NCAM2: variants seen among roughly 807,000 people sequenced by gnomAD.
NCAM2 encodes N-CAM-2.
A neutral mutation model predicts 98.1 loss-of-function variants in NCAM2; 30 were observed. The ratio of observed to expected loss-of-function variants is 0.31; its 90% CI spans 0.23 to 0.41. The LOEUF is 0.41. Ranked by LOEUF, NCAM2 falls within the 10% of genes least tolerant of loss-of-function variation. The probability of loss-of-function intolerance (pLI) is 1.00; values close to 1 mark genes in which losing one functional copy is unlikely to be tolerated. For synonymous variants in NCAM2, 368 were observed against 342.4 expected (o/e 1.07, Z -0.83); for missense variants, 867 against 1,005.8 (o/e 0.86, Z 1.87).
At chr21:21,009,883 C>CTCTGTGTGTGTGTGTGTG (rs371370125) in intron 1 of NCAM2, among the ~76,000 whole-genome samples, 3 of 139,670 alleles carry the variant, frequency 2.1e-5, no homozygotes, top group South Asian at 2.4e-4. Flanking sequence ...CCTCTGATAG[C>CTCTGTGTGTGTGTGTGTG]TGTGTGTGTG....
chr21:21,001,795 G>A (rs982987225), intron 1 of NCAM2, among the ~76,000 whole-genome samples: 1 of 152,166 alleles, frequency 6.6e-6, no homozygotes, highest in South Asian at 2.1e-4. Context: ...AGCCAAAATC[G>A]TGAGGAAAGG....
intron 8 of NCAM2, among the ~76,000 whole-genome samples, chr21:21,350,868 A>C (rs1382587642): frequency 6.6e-6 from 1 of 151,280 alleles, no homozygotes; most frequent in Non-Finnish European, 1.5e-5. Context: ...CAGGTGGATC[A>C]CGAGGTCAGG....
chr21:21,047,993 A>T lies in NCAM2; in HGVS notation c.55+49375A>T, dbSNP rs566623752. Among the ~76,000 whole-genome samples, 18 of 152,318 alleles carry T rather than the reference A, an allele frequency of 1.2e-4. 1 individual carries two copies. The highest frequency in any genetic ancestry group is 3.8e-4 in the African/African-American group (16 of 41,578). ...CCAAAATATATTTCCTTGGCATACA[A>T]TGAAATTGTCCTGCAATGTCTCTTG... On this transcript the variant is annotated intron_variant, in intron 1 of 17. Coordinates refer to ENST00000400546, the MANE Select transcript of NCAM2 (RefSeq NM_004540.5).
intron 1 of NCAM2, among the ~76,000 whole-genome samples, chr21:21,199,578 T>C (rs1028524223): frequency 6.6e-6 from 1 of 152,166 alleles, no homozygotes; most frequent in Admixed American, 6.5e-5. Context: ...TGACTAACCT[T>C]GAGAGTAGTG....
chr21:21,431,757 C>T (rs377644109), intron 11 of NCAM2, among the ~76,000 whole-genome samples: 1 of 151,984 alleles, frequency 6.6e-6, no homozygotes, highest in African/African-American at 2.4e-5. Flanking sequence ...TAACTACCCT[C>T]TTTATCTCTC....
At chr21:21,255,042 C>A (rs1331301825) in intron 1 of NCAM2, among the ~76,000 whole-genome samples, 1 of 151,378 alleles carries the variant, frequency 6.6e-6, no homozygotes, top group Non-Finnish European at 1.5e-5. Flanking sequence ...GATTTGGGTG[C>A]CAAATGATAT....
At chr21:21,472,097 CAT>C (rs1048983791) in intron 14 of NCAM2, among the ~76,000 whole-genome samples, 1 of 151,938 alleles carries the variant, frequency 6.6e-6, no homozygotes, top group Non-Finnish European at 1.5e-5. Context: ...TAGATTTTTA[CAT>C]GTTTCCATGA....
chr21:21,480,978 A>C (rs983567417), intron 15 of NCAM2, among the ~76,000 whole-genome samples: 1 of 152,234 alleles, frequency 6.6e-6, no homozygotes, highest in African/African-American at 2.4e-5. Flanking sequence ...TGAAATATCA[A>C]ATCGTTGGTT....
rs769240092 is a variant in NCAM2, at chr21:21,410,502, AC to A, written c.1383+42del. The A allele has an allele frequency of 1.4e-3, 1,595 of 1,116,862 alleles. 20 individuals are homozygous for A. The African/African-American group carries it at 0.023, about 16-fold the overall frequency. 69.2% of individuals were successfully genotyped at this position (1,116,862 alleles called of 1,614,324 possible). On this transcript the variant is annotated intron_variant, in intron 10 of 17. Coordinates refer to ENST00000400546, the MANE Select transcript of NCAM2 (RefSeq NM_004540.5). ...TACATCAATAAATTGTATTATTTTA[AC>A]AACTATCTACTATTTCAGAATATAT...
At chr21:21,403,975 T>C (rs956841347) in intron 9 of NCAM2, among the ~76,000 whole-genome samples, 8 of 152,178 alleles carry the variant, frequency 5.3e-5, no homozygotes, top group African/African-American at 1.9e-4. Flanking sequence ...GGGGTCAGGC[T>C]TAATATATGG....
rs2066181110 is a variant in NCAM2 at position 21,098,928 on chromosome 21, G to A, written c.55+100310G>A. Among the ~76,000 whole-genome samples, 3 of 151,786 alleles carry A rather than the reference G, an allele frequency of 2.0e-5. No individual in the cohort carries two copies. In the South Asian group the frequency reaches 6.2e-4, roughly 31 times the overall value. On this transcript the variant is annotated intron_variant, in intron 1 of 17. Coordinates refer to ENST00000400546, the MANE Select transcript of NCAM2 (RefSeq NM_004540.5). ...AAATTTTCCTGCCTGAAATGGCCAGGCACGCGATGAGATTGGGATGAGTTT... is the reference window on the plus strand; with the variant it reads ...AAATTTTCCTGCCTGAAATGGCCAGACACGCGATGAGATTGGGATGAGTTT...
chr21:21,295,709 C>T (rs1464442328), intron 5 of NCAM2, among the ~76,000 whole-genome samples: 1 of 151,808 alleles, frequency 6.6e-6, no homozygotes, highest in African/African-American at 2.4e-5. Context: ...TACAGTTGAT[C>T]TGCAAGTGCA....
chr21:21,113,280 G>A (rs2066489973), intron 1 of NCAM2, among the ~76,000 whole-genome samples: 1 of 152,142 alleles, frequency 6.6e-6, no homozygotes, highest in South Asian at 2.1e-4. Flanking sequence ...AATCACGGTG[G>A]CACAAAATTG....
At chr21:21,020,030 C>A (rs2064396954) in intron 1 of NCAM2, among the ~76,000 whole-genome samples, 1 of 151,956 alleles carries the variant, frequency 6.6e-6, no homozygotes, top group African/African-American at 2.4e-5. Context: ...TTTTCTTTTC[C>A]TATTTTTATT....
intron 1 of NCAM2, among the ~76,000 whole-genome samples, chr21:21,083,935 T>C (rs1335871135): frequency 6.6e-6 from 1 of 152,174 alleles, no homozygotes; most frequent in African/African-American, 2.4e-5. Context: ...TGTGTATATG[T>C]TGGGGAGAGT....
At chr21:21,147,454 G>A (rs983368536) in intron 1 of NCAM2, among the ~76,000 whole-genome samples, 4 of 151,494 alleles carry the variant, frequency 2.6e-5, no homozygotes, top group African/African-American at 9.7e-5. Flanking sequence ...CTGTCCCCTA[G>A]GCTGGAGTGC....
intron 16 of NCAM2, among the ~76,000 whole-genome samples, chr21:21,517,687 G>T (rs767679193): frequency 8.6e-5 from 13 of 151,884 alleles, no homozygotes; most frequent in Admixed American, 2.0e-4. Flanking sequence ...GCTAAACCCT[G>T]TCTTTACTAA....
intron 16 of NCAM2, among the ~76,000 whole-genome samples, chr21:21,531,495 G>A (rs960407314): frequency 2.0e-5 from 3 of 151,006 alleles, no homozygotes; most frequent in Non-Finnish European, 2.9e-5. Flanking sequence ...AGGATGGGGA[G>A]TTTTATGCAA....
At chr21:21,126,254 A>AAG (rs1555887831) in intron 1 of NCAM2, among the ~76,000 whole-genome samples, 20 of 150,982 alleles carry the variant, frequency 1.3e-4, no homozygotes, top group African/African-American at 4.6e-4. Context: ...AAAAAAAAAA[A>AAG]AAAATCGCAG....
Sources: gnomAD v4.1 joint callset for allele counts (sites outside exome capture counted in the v4.1 genomes callset) on GRCh38, gnomAD v4.1.1 for gene constraint, MANE v1.5 for transcripts, NCBI Gene and HGNC (gene_info 2026-07-23, HGNC 2026-07-21) for gene names.